FAM227B: variants seen among roughly 807,000 people sequenced by gnomAD.
FAM227B encodes the protein protein FAM227B.
A neutral mutation model predicts 73.8 loss-of-function variants in FAM227B; 88 were observed. The observed-to-expected ratio is 1.19, with a 90% confidence interval of 1.00 to 1.42. FAM227B has a LOEUF of 1.42. Ranked by LOEUF, FAM227B falls within the 40% of genes most tolerant of loss-of-function variation. The pLI is 0.00. For missense variants in FAM227B, 632 were observed against 590.9 expected (o/e 1.07, Z -0.72); for synonymous variants, 210 against 190.5 (o/e 1.10, Z -0.84).
chr15:49,425,580 G>C (rs1467806832), intron 11 of FAM227B: 13 of 151,882 alleles, frequency 8.6e-5, no homozygotes, highest in Admixed American at 7.2e-4. Flanking sequence ...AATGCATGGG[G>C]AGACTGGTGT....
intron 11 of FAM227B, among the ~76,000 whole-genome samples, chr15:49,387,037 A>G (rs543846061): frequency 1.3e-5 from 2 of 151,942 alleles, no homozygotes; most frequent in African/African-American, 4.8e-5. Flanking sequence ...CCAGGACCAG[A>G]TGGATTCACA....
intron 9 of FAM227B, among the ~76,000 whole-genome samples, chr15:49,566,929 T>A (rs2074703639): frequency 6.6e-6 from 1 of 152,154 alleles, no homozygotes; most frequent in Admixed American, 6.5e-5. Context: ...CCACCACAAG[T>A]GAGAACATTT....
intron 13 of FAM227B, 95 bp downstream of exon 13, chr15:49,367,353 C>T (rs1596610834): frequency 9.4e-7 from 1 of 1,059,952 alleles, no homozygotes; most frequent in Non-Finnish European, 1.3e-6. Flanking sequence ...ATAAAACATG[C>T]ATTCAATTTG....
intron 11 of FAM227B, among the ~76,000 whole-genome samples, chr15:49,428,170 A>G (rs1040720988): frequency 6.6e-6 from 1 of 151,928 alleles, no homozygotes; most frequent in African/African-American, 2.4e-5. Context: ...AGCTGCTACT[A>G]GAGAACTGGT....
chr15:49,415,224 T>G (rs1010899683), intron 11 of FAM227B, among the ~76,000 whole-genome samples: 1 of 152,204 alleles, frequency 6.6e-6, no homozygotes, highest in Admixed American at 6.5e-5. Context: ...CCTTGCTACA[T>G]AGACAATTCA....
At chr15:49,354,770 C>A (rs2042834140) in intron 13 of FAM227B, among the ~76,000 whole-genome samples, 1 of 152,012 alleles carries the variant, frequency 6.6e-6, no homozygotes, top group Non-Finnish European at 1.5e-5. Flanking sequence ...CCTCTGTAGG[C>A]TCCACCTCTG....
intron 10 of FAM227B, among the ~76,000 whole-genome samples, chr15:49,540,019 T>C (rs1028757930): frequency 6.6e-6 from 1 of 152,184 alleles, no homozygotes; most frequent in African/African-American, 2.4e-5. Context: ...GAGTAGGTCC[T>C]GGCCCTGGGT....
At chr15:49,418,641 T>C (rs1489379405) in intron 11 of FAM227B, among the ~76,000 whole-genome samples, 2 of 152,022 alleles carry the variant, frequency 1.3e-5, no homozygotes, top group African/African-American at 4.8e-5. Flanking sequence ...TGGGGTCCAC[T>C]TGAGGGTGGA....
chr15:49,481,972 A>C (rs1304895430), intron 11 of FAM227B, among the ~76,000 whole-genome samples: 1 of 152,144 alleles, frequency 6.6e-6, no homozygotes, highest in Non-Finnish European at 1.5e-5. Flanking sequence ...GGTAGCAAAA[A>C]TGAAGTAAAA....
chr15:49,508,825 T>A (rs1436149968), intron 10 of FAM227B, among the ~76,000 whole-genome samples: 1 of 152,194 alleles, frequency 6.6e-6, no homozygotes, highest in Non-Finnish European at 1.5e-5. Flanking sequence ...TCTAGATAGA[T>A]TGCCTATGTT....
intron 11 of FAM227B, among the ~76,000 whole-genome samples, chr15:49,481,761 T>C (rs557789106): frequency 6.6e-6 from 1 of 152,304 alleles, no homozygotes; most frequent in Admixed American, 6.5e-5. Flanking sequence ...AAGATTAATA[T>C]CCATTCATTT....
At chr15:49,619,589 C>T (rs1249004385) in intron 1 of FAM227B, among the ~76,000 whole-genome samples, 1 of 152,156 alleles carries the variant, frequency 6.6e-6, no homozygotes, top group African/African-American at 2.4e-5. Flanking sequence ...TTGACAACAC[C>T]ACCTGTGAAC....
chr15:49,481,444 C>A (rs1011605636), intron 11 of FAM227B, among the ~76,000 whole-genome samples: 1 of 152,172 alleles, frequency 6.6e-6, no homozygotes, highest in Admixed American at 6.5e-5. Flanking sequence ...AAATAGAGTG[C>A]TCTAAAAGGG....
chr15:49,428,070 G>C (rs1437155211), intron 11 of FAM227B, among the ~76,000 whole-genome samples: 1 of 151,904 alleles, frequency 6.6e-6, no homozygotes, highest in Non-Finnish European at 1.5e-5. Flanking sequence ...ACTTGTATTA[G>C]TAGACATATA....
chr15:49,437,230 A>T (rs2051189948), intron 11 of FAM227B, among the ~76,000 whole-genome samples: 1 of 151,598 alleles, frequency 6.6e-6, no homozygotes, highest in Non-Finnish European at 1.5e-5. Context: ...ACTTAGTCAT[A>T]TTTAGGAATG....
intron 11 of FAM227B, among the ~76,000 whole-genome samples, chr15:49,428,051 G>A (rs75786151): frequency 0.023 from 3,556 of 151,962 alleles, 93 homozygotes; most frequent in South Asian, 0.13. Context: ...GGAACCCAAC[G>A]GAAATAAGAC....
intron 13 of FAM227B, chr15:49,365,569 A>G (rs1163844077): frequency 4.5e-6 from 4 of 895,972 alleles, no homozygotes; most frequent in Non-Finnish European, 5.7e-6. Context: ...TCCAGCTGCA[A>G]GTTTAACCAT....
chr15:49,491,172 C>T (rs771566496), intron 11 of FAM227B, among the ~76,000 whole-genome samples: 3 of 151,918 alleles, frequency 2.0e-5, no homozygotes, highest in Non-Finnish European at 4.4e-5. Context: ...TCAGATTCAT[C>T]TCTTTCTTCA....
chr15:49,551,256 T>TGAGGGAGAGGGA (rs113214972), intron 9 of FAM227B, among the ~76,000 whole-genome samples: 16 of 151,596 alleles, frequency 1.1e-4, no homozygotes, highest in Admixed American at 3.3e-4. Context: ...TGGCTCAGCA[T>TGAGGGAGAGGGA]GAGGGAGAGG....
Sources: allele counts gnomAD v4.1 joint callset (sites outside exome capture counted in the v4.1 genomes callset), GRCh38; gene constraint gnomAD v4.1.1; transcripts MANE v1.5; gene names NCBI Gene and HGNC (gene_info 2026-07-23, HGNC 2026-07-21).